The following CAMK4 variants were observed in gnomAD, a reference collection of about 807,000 sequenced individuals.
CAMK4 encodes calcium/calmodulin dependent protein kinase IV.
Under a neutral mutation model 44.9 loss-of-function variants are expected in CAMK4, and 22 were observed. The observed-to-expected ratio is 0.49, with a 90% CI of 0.35 to 0.70. CAMK4 has a LOEUF of 0.70. CAMK4 is among the 30% of genes least tolerant of loss of function. The probability of loss-of-function intolerance (pLI) is 0.01; values close to 1 mark genes in which losing one functional copy is unlikely to be tolerated. For missense variants in CAMK4, 498 were observed against 586.8 expected (o/e 0.85, Z 1.56); for synonymous variants, 218 against 215.4 (o/e 1.01, Z -0.11).
intron 4 of CAMK4, among the ~76,000 whole-genome samples, chr5:111,393,749 G>A (rs1255283091): frequency 6.6e-6 from 1 of 151,946 alleles, no homozygotes; most frequent in Admixed American, 6.6e-5. Context: ...GAGAAGATCA[G>A]GAAAAATAAC....
intron 5 of CAMK4, among the ~76,000 whole-genome samples, chr5:111,401,361 T>G (rs306094): frequency 0.54 from 82,115 of 151,990 alleles, 22,982 homozygotes; most frequent in African/African-American, 0.7. Context: ...CTGTCAGTAC[T>G]GCATTTCTTC....
intron 1 of CAMK4, among the ~76,000 whole-genome samples, chr5:111,243,042 C>T (rs1239043811): frequency 6.6e-6 from 1 of 152,114 alleles, no homozygotes; most frequent in African/African-American, 2.4e-5. Context: ...TTTTAGTTCC[C>T]ATGTACCTCC....
At chr5:111,354,332 G>A (rs1263959306) in intron 2 of CAMK4, among the ~76,000 whole-genome samples, 1 of 151,910 alleles carries the variant, frequency 6.6e-6, no homozygotes, top group African/African-American at 2.4e-5. Context: ...ACTTTCAGTT[G>A]TGTAAAATGA....
chr5:111,229,936 C>T (rs1056704403), intron 1 of CAMK4, among the ~76,000 whole-genome samples: 4 of 152,162 alleles, frequency 2.6e-5, no homozygotes, highest in African/African-American at 9.7e-5. Context: ...GGCTGGTTCA[C>T]TATTATGTGC....
At chr5:111,373,464 A>G (rs1478788198) in intron 2 of CAMK4, among the ~76,000 whole-genome samples, 1 of 152,132 alleles carries the variant, frequency 6.6e-6, no homozygotes, top group Non-Finnish European at 1.5e-5. Flanking sequence ...AAGAACATAT[A>G]AAGTTGGAAA....
chr5:111,442,438 A>C (rs962248631), intron 5 of CAMK4, among the ~76,000 whole-genome samples: 2 of 151,994 alleles, frequency 1.3e-5, no homozygotes, highest in Non-Finnish European at 2.9e-5. Flanking sequence ...TGGAAATTGC[A>C]GTAAGCCAAG....
intron 4 of CAMK4, among the ~76,000 whole-genome samples, chr5:111,387,592 AT>A (rs1296635382): frequency 2.6e-5 from 4 of 152,202 alleles, no homozygotes; most frequent in Non-Finnish European, 5.9e-5. Context: ...TGTGATGGGA[AT>A]CACTTCTGAG....
intron 2 of CAMK4, among the ~76,000 whole-genome samples, chr5:111,357,241 CAGAG>C (rs1253117944): frequency 6.6e-6 from 1 of 152,040 alleles, no homozygotes; most frequent in African/African-American, 2.4e-5. Context: ...AAGAACTTCT[CAGAG>C]AGCTCAGTGG....
At chr5:111,472,289 A>G (rs1477972864) in intron 7 of CAMK4, among the ~76,000 whole-genome samples, 1 of 152,118 alleles carries the variant, frequency 6.6e-6, no homozygotes, top group Admixed American at 6.5e-5. Context: ...CCTATCCCAG[A>G]GAATGGTATG....
intron 5 of CAMK4, among the ~76,000 whole-genome samples, chr5:111,428,246 A>T (rs1403067913): frequency 6.6e-6 from 1 of 152,254 alleles, no homozygotes; most frequent in East Asian, 1.9e-4. Context: ...ATCTGAAAAG[A>T]TTCCTCAAGA....
At chr5:111,291,022 A>G (rs1747231346) in intron 1 of CAMK4, among the ~76,000 whole-genome samples, 1 of 152,226 alleles carries the variant, frequency 6.6e-6, no homozygotes, top group Admixed American at 6.5e-5. Flanking sequence ...GTTTGTGTAT[A>G]CATAAGATTG....
Position 111,446,807 on chromosome 5 carries a change from CT to C in CAMK4, c.550+37del, listed in dbSNP as rs752387886. ...AACATTTCTTCTTGTTTTGTGACCC[CT>C]TTTTTCAGAGCAGAAAAAATTTTAC... On this transcript the variant is annotated intron_variant, in intron 6 of 10. Coordinates refer to ENST00000282356, the MANE Select transcript of CAMK4 (RefSeq NM_001744.6). The C allele has an allele frequency of 9.5e-6, 13 of 1,367,162 alleles. No individual in the cohort carries two copies. In the East Asian group the frequency reaches 2.1e-4, roughly 22 times the overall value. 84.7% of individuals were successfully genotyped at this position (1,367,162 alleles called of 1,614,324 possible). A position where few individuals can be genotyped will look rare whatever the true frequency, so the allele number is the denominator to read the frequency against.
At chr5:111,430,495 TC>T (rs1753405812) in intron 5 of CAMK4, among the ~76,000 whole-genome samples, 1 of 152,138 alleles carries the variant, frequency 6.6e-6, no homozygotes, top group Non-Finnish European at 1.5e-5. Context: ...ATAAAGCGTA[TC>T]CAGTGTGCAA....
At chr5:111,449,294 C>A (rs1754147727) in intron 7 of CAMK4, 91 bp downstream of exon 7, 3 of 588,628 alleles carry the variant, frequency 5.1e-6, no homozygotes, top group Non-Finnish European at 8.8e-6. Flanking sequence ...CCTAATATTT[C>A]TATTTATAAA....
At chr5:111,448,100 T>C (rs544633358) in intron 6 of CAMK4, among the ~76,000 whole-genome samples, 80 of 152,346 alleles carry the variant, frequency 5.3e-4, no homozygotes, top group Non-Finnish European at 6.0e-4. Context: ...CACCTGCCTC[T>C]CTTGAAGAAT....
At chr5:111,349,746 C>T (rs1750015801) in intron 2 of CAMK4, among the ~76,000 whole-genome samples, 1 of 151,816 alleles carries the variant, frequency 6.6e-6, no homozygotes, top group Non-Finnish European at 1.5e-5. Context: ...ACATGTCAGA[C>T]TATAAATGTG....
At chr5:111,382,396 T>C (rs1158716010) in intron 4 of CAMK4, among the ~76,000 whole-genome samples, 1 of 152,160 alleles carries the variant, frequency 6.6e-6, no homozygotes, top group Non-Finnish European at 1.5e-5. Flanking sequence ...GGAGTTGTAG[T>C]ATGGTTGGTA....
intron 1 of CAMK4, among the ~76,000 whole-genome samples, chr5:111,261,229 T>C (rs114887889): frequency 0.01 from 1,587 of 152,348 alleles, 12 homozygotes; most frequent in Middle Eastern, 0.017. Context: ...ATTGATAACA[T>C]TACATTATTT....
chr5:111,308,775 C>G (rs928168590), intron 1 of CAMK4, among the ~76,000 whole-genome samples: 1 of 152,058 alleles, frequency 6.6e-6, no homozygotes, highest in Non-Finnish European at 1.5e-5. Flanking sequence ...GTTAAAAGTG[C>G]CTTCTGTAAT....
Sources: gnomAD v4.1 joint callset for allele counts (sites outside exome capture counted in the v4.1 genomes callset) on GRCh38, gnomAD v4.1.1 for gene constraint, MANE v1.5 for transcripts, NCBI Gene and HGNC (gene_info 2026-07-23, HGNC 2026-07-21) for gene names.